Variants in PHACTR2 observed in about 807,000 individuals in gnomAD.
PHACTR2 encodes phosphatase and actin regulator 2.
Under a neutral mutation model 76.0 loss-of-function variants are expected in PHACTR2, and 30 were observed. The ratio of observed to expected loss-of-function variants is 0.39; its 90% CI spans 0.30 to 0.54. The LOEUF is 0.54. PHACTR2 is among the 20% of genes least tolerant of loss of function. PHACTR2 has a pLI of 0.61. For synonymous variants in PHACTR2, 292 were observed against 292.5 expected (o/e 1.00, Z 0.02); for missense variants, 696 against 781.1 (o/e 0.89, Z 1.30).
At chr6:143,540,949 G>A (rs1275160472) in intron 1 of PHACTR2, among the ~76,000 whole-genome samples, 2 of 152,184 alleles carry the variant, frequency 1.3e-5, no homozygotes, top group African/African-American at 4.8e-5. Flanking sequence ...GAGTCTTGCT[G>A]TGTTGTCCAA....
chr6:143,690,849 A>G (rs1287309478), intron 1 of PHACTR2, among the ~76,000 whole-genome samples: 2 of 152,242 alleles, frequency 1.3e-5, no homozygotes, highest in African/African-American at 4.8e-5. Context: ...TTTTTTAAGA[A>G]GACTCACATT....
rs561532222 is a variant in PHACTR2 at position 143,684,750 on chromosome 6, A to C, written c.46+6541A>C. ...CTAGCTCCACAGCACAGACTTAACA[A>C]GTGGAACTTTAGCATGTATTTAATT... On this transcript the variant is annotated intron_variant, in intron 1 of 12. Coordinates refer to ENST00000440869, the MANE Select transcript of PHACTR2 (RefSeq NM_001100164.2). This position sits in a 1 kb window ranked among gnomAD's most constrained non-coding sequence, Gnocchi z 4.3. Among the ~76,000 whole-genome samples the C allele has an allele frequency of 7.2e-5, 11 of 152,330 alleles. No individual in the cohort carries two copies. Among genetic ancestry groups the C allele is most frequent in the African/African-American group, 2.6e-4 (11 of 41,574 alleles).
At chr6:143,796,830 T>A (rs1775839334) in intron 11 of PHACTR2, among the ~76,000 whole-genome samples, 1 of 152,322 alleles carries the variant, frequency 6.6e-6, no homozygotes, top group African/African-American at 2.4e-5. Flanking sequence ...TATGGGTTGG[T>A]TCCATGTCTT....
At chr6:143,567,223 A>G (rs540245073) in intron 1 of PHACTR2, among the ~76,000 whole-genome samples, 3 of 152,266 alleles carry the variant, frequency 2.0e-5, no homozygotes, top group Admixed American at 2.0e-4. Flanking sequence ...GATGTGGTTT[A>G]AGTGTGTTTG....
At chr6:143,815,104 G>A (rs937214901) in intron 12 of PHACTR2, among the ~76,000 whole-genome samples, 3 of 152,186 alleles carry the variant, frequency 2.0e-5, no homozygotes, top group East Asian at 1.9e-4. Flanking sequence ...GGCTGCTTTT[G>A]TAGTGGCACT....
Position 143,807,732 on chromosome 6 carries a change from G to A in PHACTR2, c.1922+599G>A, listed in dbSNP as rs1414253995. On this transcript the variant is annotated intron_variant, in intron 12 of 12. Transcript: ENST00000440869. The surrounding 1 kb of genome is among the most constrained non-coding windows in gnomAD (Gnocchi z 5.5). The stretch of plus-strand genomic sequence containing the variant: ...TAGGATGGGAATCCTGATTTTACTG[G>A]TGACGAAGGAGATCGCTATCATCTT... Among the ~76,000 whole-genome samples, 1 of 152,140 alleles carries A rather than the reference G, an allele frequency of 6.6e-6. No homozygotes were observed. Among genetic ancestry groups the A allele is most frequent in the East Asian group, 1.9e-4 (1 of 5,200 alleles).
At chr6:143,711,298 A>G (rs961154407) in intron 1 of PHACTR2, among the ~76,000 whole-genome samples, 5 of 152,198 alleles carry the variant, frequency 3.3e-5, no homozygotes, top group African/African-American at 4.8e-5. Flanking sequence ...TTAAAATTTG[A>G]TAGTTGGTGT....
chr6:143,634,426 A>G (rs931553687), intron 1 of PHACTR2, among the ~76,000 whole-genome samples: 8 of 152,182 alleles, frequency 5.3e-5, no homozygotes, highest in South Asian at 2.1e-4. Context: ...AAAAATTTTG[A>G]TATGTGCCAT....
In PHACTR2 at chr6:143,760,352, A is replaced by C; in HGVS notation, c.455-49A>C. On this transcript the variant is annotated intron_variant, in intron 4 of 12. Coordinates refer to ENST00000440869, the MANE Select transcript of PHACTR2 (RefSeq NM_001100164.2). The surrounding 1 kb of genome is among the most constrained non-coding windows in gnomAD (Gnocchi z 6.4). ...GTCATGTCTTGCTCCTTGTGTTTATATGGTGTGTGTCTGTATCAGTCTGCT... is the reference window on the plus strand; with the variant it reads ...GTCATGTCTTGCTCCTTGTGTTTATCTGGTGTGTGTCTGTATCAGTCTGCT... 6.5e-7 allele frequency: 1 copy of C among 1,539,254 alleles called. No individual in the cohort carries two copies. The highest frequency in any genetic ancestry group is 1.4e-5 in the African/African-American group (1 of 72,486).
rs183281131 is a variant in PHACTR2 at position 143,626,157 on chromosome 6, T to C, written c.13+17835T>C. ...AGATGCTAAGAATTTTACCTTGTTT[T>C]GTGTGACAACAGAATGAAGGCACAT... On this transcript the variant is annotated intron_variant, in intron 1 of 11. Coordinates refer to the PHACTR2 transcript ENST00000305766. 1.2e-3 allele frequency among the ~76,000 whole-genome samples: 188 copies of C among 152,296 alleles called. 1 individual carries two copies. The highest frequency in any genetic ancestry group is 4.2e-3 in the African/African-American group (175 of 41,552).
intron 2 of PHACTR2, among the ~76,000 whole-genome samples, chr6:143,712,649 T>G (rs1344204190): frequency 1.3e-5 from 2 of 152,150 alleles, no homozygotes; most frequent in Non-Finnish European, 2.9e-5. Flanking sequence ...GTTCGTTAAT[T>G]AAAACTTTTT....
rs919072995 is a variant in PHACTR2 at position 143,647,278 on chromosome 6, C to A, written c.13+38956C>A. Among the ~76,000 whole-genome samples the A allele has an allele frequency of 2.0e-5, 3 of 152,172 alleles. No homozygotes were observed. Among genetic ancestry groups the A allele is most frequent in the Admixed American group, 6.5e-5 (1 of 15,278 alleles). On this transcript the variant is annotated intron_variant, in intron 1 of 11. Coordinates refer to the PHACTR2 transcript ENST00000305766. The surrounding 1 kb of genome is among the most constrained non-coding windows in gnomAD (Gnocchi z 4.2). Reference sequence around the variant, plus strand: ...GATGAGGAAACCAAGACTCTGAAAGCTAAAAAGCTTGCTAAAGTCACGTGG... The same window carrying A: ...GATGAGGAAACCAAGACTCTGAAAGATAAAAAGCTTGCTAAAGTCACGTGG...
Position 143,550,371 on chromosome 6 carries a change from A to G in PHACTR2, c.217+13164A>G, listed in dbSNP as rs1422875137. The stretch of plus-strand genomic sequence containing the variant: ...GGCCTGTCAACTATTTTAAGGACTG[A>G]TTCCTTATAGCACTGATGTACCTCA... On this transcript the variant is annotated intron_variant, in intron 1 of 11. Transcript: ENST00000367584. The surrounding 1 kb of genome is among the most constrained non-coding windows in gnomAD (Gnocchi z 4.8). 6.6e-6 allele frequency among the ~76,000 whole-genome samples: 1 copy of G among 151,954 alleles called. No individual in the cohort carries two copies. The highest frequency in any genetic ancestry group is 1.5e-5 in the Non-Finnish European group (1 of 67,936).
intron 1 of PHACTR2, among the ~76,000 whole-genome samples, chr6:143,552,912 A>G (rs1775112656): frequency 1.3e-5 from 2 of 151,890 alleles, no homozygotes; most frequent in South Asian, 4.2e-4. Flanking sequence ...AAAAAAAGCA[A>G]AAAACTAACC....
chr6:143,760,403 AACACT>A lies in PHACTR2; in HGVS notation c.458_462del (p.Asn153ArgfsTer5). 1.2e-6 allele frequency: 2 copies of A among 1,608,304 alleles called. No individual in the cohort carries two copies. Among genetic ancestry groups the A allele is most frequent in the Non-Finnish European group, 1.7e-6 (2 of 1,177,130 alleles). On this transcript the variant is annotated frameshift_variant, in exon 5 of 13. Coordinates refer to ENST00000440869, the MANE Select transcript of PHACTR2 (RefSeq NM_001100164.2). LOFTEE classifies it high-confidence loss of function. The surrounding 1 kb of genome is among the most constrained non-coding windows in gnomAD (Gnocchi z 6.4). ...TCTGTTCACTTTCTCGTTTATAGAG[AACACT>A]GAAAACCACTCTGAAACACCGGCAG...
In PHACTR2 at chr6:143,652,631, C is replaced by T. The variant is rs866591525; in HGVS notation, c.13+44309C>T. ...TAAAAAGCTCAGGGTTTCGGGAATC[C>T]GACTGTTCTGCAAATGCCTGCTGCT... On this transcript the variant is annotated intron_variant, in intron 1 of 11. Coordinates refer to the PHACTR2 transcript ENST00000305766. The surrounding 1 kb of genome is among the most constrained non-coding windows in gnomAD (Gnocchi z 4.5). 2.0e-4 allele frequency among the ~76,000 whole-genome samples: 31 copies of T among 152,154 alleles called. No homozygotes were observed. Among genetic ancestry groups the T allele is most frequent in the Non-Finnish European group, 3.5e-4 (24 of 68,042 alleles).
rs1777178151 is a variant in PHACTR2 at position 143,672,799 on chromosome 6, A to T, written c.14-39217A>T. 6.6e-6 allele frequency among the ~76,000 whole-genome samples: 1 copy of T among 152,128 alleles called. No individual in the cohort carries two copies. Among genetic ancestry groups the T allele is most frequent in the South Asian group, 2.1e-4 (1 of 4,800 alleles). On this transcript the variant is annotated intron_variant, in intron 1 of 11. Transcript: ENST00000305766. This position sits in a 1 kb window ranked among gnomAD's most constrained non-coding sequence, Gnocchi z 5.8. ...GAATGCAATGGCTCAACCTCAGCTC[A>T]TTGCAACCTCCGCCTCCCAGGTTCA...
At chr6:143,655,648 G>A (rs1391192053) in intron 1 of PHACTR2, among the ~76,000 whole-genome samples, 1 of 152,058 alleles carries the variant, frequency 6.6e-6, no homozygotes, top group South Asian at 2.1e-4. Context: ...AACTCTGTAC[G>A]GAAGCCACAG....
intron 10 of PHACTR2, among the ~76,000 whole-genome samples, chr6:143,788,230 G>A (rs1775597832): frequency 6.6e-6 from 1 of 152,224 alleles, no homozygotes; most frequent in Non-Finnish European, 1.5e-5. Context: ...GCATGTGTCT[G>A]ATTGGGGTCT....
Sources: allele counts gnomAD v4.1 joint callset (sites outside exome capture counted in the v4.1 genomes callset), GRCh38; gene constraint gnomAD v4.1.1; non-coding constraint Gnocchi (gnomAD v3.1); transcripts MANE v1.5; gene names NCBI Gene and HGNC (gene_info 2026-07-23, HGNC 2026-07-21).